ABCA4: variants seen among roughly 807,000 people sequenced by gnomAD.
ABCA4 encodes retinal-specific phospholipid-transporting ATPase ABCA4.
ABCA4 carries 196 observed loss-of-function variants against 263.7 expected under a neutral mutation model. The observed-to-expected ratio is 0.74, with a 90% CI of 0.66 to 0.84. The LOEUF (loss-of-function observed/expected upper bound fraction) is 0.84, where lower values mean the gene tolerates loss of function less well. ABCA4 is among the 40% of genes least tolerant of loss of function. The pLI, the probability that ABCA4 is intolerant of heterozygous loss-of-function variation, is 0.00. For synonymous variants in ABCA4, 1,133 were observed against 1,094.2 expected (o/e 1.04, Z -0.70); for missense variants, 2,792 against 2,855.1 (o/e 0.98, Z 0.50).
chr1:94,051,927 A>C (rs1660851921), intron 16 of ABCA4, among the ~76,000 whole-genome samples: 1 of 152,226 alleles, frequency 6.6e-6, no homozygotes, highest in Non-Finnish European at 1.5e-5. Context: ...CAGCAAGACC[A>C]ATAATCTTGG....
At chr1:94,041,136 G>A in intron 23 of ABCA4, 73 bp downstream of exon 23, 1 of 1,502,036 alleles carries the variant, frequency 6.7e-7, no homozygotes, top group Non-Finnish European at 9.2e-7. Flanking sequence ...GAGTAGCCAT[G>A]TCTGGAGTGG....
At chr1:94,077,995 A>C in intron 10 of ABCA4, 108 bp from the exon 11 acceptor site, 3 of 1,104,816 alleles carry the variant, frequency 2.7e-6, no homozygotes, top group Non-Finnish European at 4.0e-6. Flanking sequence ...AGAGATGCTA[A>C]GGCTCCCTGA....
chr1:94,053,489 CT>C (rs765832625), intron 16 of ABCA4, among the ~76,000 whole-genome samples: 10 of 152,210 alleles, frequency 6.6e-5, no homozygotes, highest in Non-Finnish European at 1.5e-4. Flanking sequence ...ATAATGTGGC[CT>C]TGTTTAGGAA....
chr1:94,088,125 T>G (rs540478891), intron 6 of ABCA4, among the ~76,000 whole-genome samples: 2 of 152,348 alleles, frequency 1.3e-5, no homozygotes, highest in African/African-American at 4.8e-5. Flanking sequence ...ACTAAGATGC[T>G]TTATCAAGAA....
intron 35 of ABCA4, among the ~76,000 whole-genome samples, chr1:94,020,687 G>A (rs535890215): frequency 2.5e-4 from 38 of 152,216 alleles, no homozygotes; most frequent in Non-Finnish European, 2.9e-4. Context: ...CGTTGCTGAA[G>A]TTTGCACTAA....
intron 26 of ABCA4, 30 bp downstream of exon 26, chr1:94,036,710 G>A: frequency 1.2e-6 from 2 of 1,611,932 alleles, no homozygotes; most frequent in Non-Finnish European, 1.7e-6. Context: ...AGGCAAGGAA[G>A]GGAACAAGCC....
intron 4 of ABCA4, among the ~76,000 whole-genome samples, chr1:94,108,314 G>T (rs1413022254): frequency 6.6e-6 from 1 of 152,062 alleles, no homozygotes; most frequent in Non-Finnish European, 1.5e-5. Context: ...ACTTCCCATA[G>T]TGCCATCTCT....
intron 13 of ABCA4, among the ~76,000 whole-genome samples, chr1:94,062,124 C>A (rs1173849082): frequency 3.3e-5 from 5 of 152,164 alleles, no homozygotes; most frequent in Admixed American, 3.3e-4. Context: ...GAGCATACAT[C>A]ATGGAAATGT....
In ABCA4 at chr1:94,078,574, C is replaced by A; in HGVS notation, c.1356+16G>T. On this transcript the variant is annotated intron_variant, in intron 10 of 49. Coordinates refer to ENST00000370225, the MANE Select transcript of ABCA4 (RefSeq NM_000350.3). ...TTCCTCCTCCCCTCCCCTCCCCATC[C>A]TCCAACCCCCCTTACTCTGATCATG... is the stretch of plus-strand genomic sequence containing the variant. 3 of 1,227,280 alleles carry A rather than the reference C, an allele frequency of 2.4e-6. No homozygotes were observed. Among genetic ancestry groups the A allele is most frequent in the Non-Finnish European group, 3.4e-6 (3 of 871,186 alleles). 76.0% of individuals were successfully genotyped at this position (1,227,280 alleles called of 1,614,324 possible). A position where few individuals can be genotyped will look rare whatever the true frequency, so the allele number is the denominator to read the frequency against.
At position 94,007,428 on chromosome 1, in the gene ABCA4, T is replaced by C. The variant is rs138873205; in HGVS notation, c.6005+206A>G. ...CCAAGAATCCATCCCAACAGAGGAA[T>C]CTCTTAACTATCACAATTCAGTTCA... On this transcript the variant is annotated intron_variant, in intron 43 of 49. Coordinates refer to ENST00000370225, the MANE Select transcript of ABCA4 (RefSeq NM_000350.3). 3.4e-3 allele frequency among the ~76,000 whole-genome samples: 523 copies of C among 152,214 alleles called. 8 individuals are homozygous for C. Among genetic ancestry groups the C allele is most frequent in the African/African-American group, 0.012 (496 of 41,510 alleles).
rs61751409 is a variant in ABCA4 at position 93,997,987 on chromosome 1, CCT to C, written c.6601_6602del (p.Arg2201AlafsTer49). ...CCTGGAACTGGAGCATGTTGTAGTG[CCT>C]CTCCCTCTGCACACTGCCTGGGAAG... ...GNFPGSVQRE[R>X]HYNMLQFQVS... On this transcript the variant is annotated frameshift_variant, in exon 48 of 50. Transcript: ENST00000370225. LOFTEE classifies it high-confidence loss of function. The C allele has an allele frequency of 6.2e-7, 1 of 1,614,010 alleles. No individual in the cohort carries two copies. The highest frequency in any genetic ancestry group is 8.5e-7 in the Non-Finnish European group (1 of 1,180,024).
chr1:94,021,855 A>T lies in ABCA4; in HGVS notation c.4764T>A (p.Asn1588Lys), dbSNP rs1659909969. The change falls in exon 33 of 50, where the codon AAT becomes AAA. Residue 1588 changes from asparagine (N) to lysine (K), a missense_variant. Coordinates refer to ENST00000370225, the MANE Select transcript of ABCA4 (RefSeq NM_000350.3). ...GFLSDLGRIM[N>K]VSGGPITREA... The stretch of plus-strand genomic sequence containing the variant: ...CAGTCTGTTTACATACCCCGCTCAC[A>T]TTCATGATCCGGCCAAGGTCGCTTA... 1 of 1,614,066 alleles carries T rather than the reference A, an allele frequency of 6.2e-7. No individual in the cohort carries two copies.
intron 42 of ABCA4, 136 bp from the exon 43 acceptor site, chr1:94,007,876 T>G: frequency 1.3e-6 from 1 of 785,266 alleles, no homozygotes; most frequent in South Asian, 1.5e-5. Flanking sequence ...GAGCCATATG[T>G]GGCTACTAAG....
At chr1:94,052,598 T>G (rs1660869655) in intron 16 of ABCA4, among the ~76,000 whole-genome samples, 1 of 152,202 alleles carries the variant, frequency 6.6e-6, no homozygotes, top group Non-Finnish European at 1.5e-5. Context: ...ATGCACAAAT[T>G]TCAATTTTAA....
At position 94,060,604 on chromosome 1, in the gene ABCA4, C is replaced by T. The variant is rs1398785943; in HGVS notation, c.2093G>A (p.Cys698Tyr). The T allele has an allele frequency of 1.2e-6, 2 of 1,614,092 alleles. No individual in the cohort carries two copies. The highest frequency in any genetic ancestry group is 1.7e-6 in the Non-Finnish European group (2 of 1,180,056). Residue 698 changes from cysteine (C) to tyrosine (Y), a missense_variant, in exon 14 of 50, where the codon TGT (cysteine) becomes TAT (tyrosine). Cys to Tyr is a radical substitution (Grantham distance 194, BLOSUM62 -2). Transcript: ENST00000370225. ...NQGVSNAVIWCTWFLDSFSIM... is the reference protein window; with the variant it reads ...NQGVSNAVIWYTWFLDSFSIM... Reference sequence around the variant, plus strand: ...GGAGAAGCTGTCCAGGAACCAGGTACACCAAATCACTGCATTGGAGACACC... The same window carrying T: ...GGAGAAGCTGTCCAGGAACCAGGTATACCAAATCACTGCATTGGAGACACC...
At chr1:94,037,098 C>T (rs755600148) in intron 25 of ABCA4, 47 bp downstream of exon 25, 35 of 1,589,776 alleles carry the variant, frequency 2.2e-5, no homozygotes, top group East Asian at 6.7e-5. Flanking sequence ...TTCAAAGAAC[C>T]GCCACTTCTG....
chr1:94,074,365 C>G (rs1661483677), intron 11 of ABCA4, among the ~76,000 whole-genome samples: 1 of 152,172 alleles, frequency 6.6e-6, no homozygotes, highest in South Asian at 2.1e-4. Flanking sequence ...AAAATTAACT[C>G]AAGCTGGATT....
rs767212006 is a variant in ABCA4, at chr1:94,040,110, C to T, written c.3540G>A (p.Ser1180=). The change falls in exon 24 of 50, where the codon TCG becomes TCA. Residue 1180 remains serine (S), a synonymous_variant. Transcript: ENST00000370225. ...RKGSEGTCSC[S]SKGFSTTCPA... ...GACACGTGGTGGAGAAACCCTTAGA[C>T]GAGCAGCTGCAGGTCCCCTGCAACA... The T allele has an allele frequency of 1.9e-5, 30 of 1,608,862 alleles. No homozygotes were observed. The highest frequency in any genetic ancestry group is 1.3e-4 in the East Asian group (6 of 44,844).
At chr1:94,086,467 T>C (rs1434824254) in intron 6 of ABCA4, among the ~76,000 whole-genome samples, 1 of 152,152 alleles carries the variant, frequency 6.6e-6, no homozygotes, top group Non-Finnish European at 1.5e-5. Flanking sequence ...TTCCTGAAAA[T>C]TCATAATCAC....
Sources: allele counts gnomAD v4.1 joint callset (sites outside exome capture counted in the v4.1 genomes callset), GRCh38; gene constraint gnomAD v4.1.1; transcripts MANE v1.5; gene names NCBI Gene and HGNC (gene_info 2026-07-23, HGNC 2026-07-21).